Variants in ZNF74 observed in about 807,000 individuals in gnomAD.
ZNF74 encodes the protein zinc finger protein 74.
A neutral mutation model predicts 17.7 loss-of-function variants in ZNF74; 12 were observed. The ratio of observed to expected loss-of-function variants is 0.68; its 90% CI spans 0.43 to 1.10. The LOEUF (loss-of-function observed/expected upper bound fraction) is 1.10. Ranked by LOEUF, ZNF74 falls within the 50% of genes least tolerant of loss-of-function variation. The pLI, the probability that ZNF74 is intolerant of heterozygous loss-of-function variation, is 0.00. For missense variants in ZNF74, 811 were observed against 881.0 expected (o/e 0.92, Z 1.01); for synonymous variants, 358 against 362.1 (o/e 0.99, Z 0.13).
rs762957329 is a variant in ZNF74, at chr22:20,401,364, C to G, written c.335C>G (p.Pro112Arg). ...ATGCAGAGGGAAGTCCCCAGAGGGC[C>G]CTGTCCAGGTGAGCAGAGGCACAGG... ...WSMQREVPRG[P>R]CPEWELKAVP... is the part of the protein sequence containing the mutation. The change falls in exon 4 of 5, where the codon CCC (proline) becomes CGC (arginine). Residue 112 changes from proline (P) to arginine (R), a missense_variant. Physicochemically the swap from Pro to Arg is moderately radical, Grantham distance 103. Around this residue, in one of 3 missense-constraint regions of ZNF74, gnomAD observed 666 missense variants for 702.3 expected, o/e 0.95. Coordinates refer to ENST00000400451, the MANE Select transcript of ZNF74 (RefSeq NM_003426.4). The surrounding 1 kb of genome is among the most constrained non-coding windows in gnomAD (Gnocchi z 4.2). 20 of 1,604,194 alleles carry G rather than the reference C, an allele frequency of 1.2e-5. No homozygotes were observed. Among genetic ancestry groups the G allele is most frequent in the Non-Finnish European group, 1.4e-5 (17 of 1,174,886 alleles).
intron 4 of ZNF74, among the ~76,000 whole-genome samples, chr22:20,404,408 C>T (rs1201921945): frequency 2.0e-5 from 3 of 152,060 alleles, no homozygotes; most frequent in Non-Finnish European, 4.4e-5. Context: ...TAGCTCGAAG[C>T]CTCAACCTCC....
At chr22:20,396,949 C>G (rs930635518) in intron 2 of ZNF74, among the ~76,000 whole-genome samples, 1 of 152,166 alleles carries the variant, frequency 6.6e-6, no homozygotes, top group Admixed American at 6.5e-5. Flanking sequence ...AAGGCCTGTG[C>G]GGGCCTCAGA....
chr22:20,395,356 C>G lies in ZNF74; in HGVS notation c.58C>G (p.Leu20Val). The G allele has an allele frequency of 1.2e-6, 2 of 1,604,144 alleles. No homozygotes were observed. The highest frequency in any genetic ancestry group is 1.7e-6 in the Non-Finnish European group (2 of 1,172,234). ...AGCTCTTTCCTCTCAGGATCCTGCT[C>G]TTTCCCTGAAAGAGAATCTCGAGGA... is the stretch of plus-strand genomic sequence containing the variant. ...KTALSSQDPA[L>V]SLKENLEDIS... The change falls in exon 2 of 5, where the codon CTT becomes GTT. Residue 20 changes from leucine to valine, a missense_variant. By Grantham distance (32) the Leu-to-Val change is conservative (BLOSUM62 1). Around this residue, in one of 3 missense-constraint regions of ZNF74, gnomAD observed 666 missense variants for 702.3 expected, o/e 0.95. Transcript: ENST00000400451.
At position 20,406,140 on chromosome 22, in the gene ZNF74, C is replaced by CA; in HGVS notation, c.1109dup (p.Asn370LysfsTer38). 6.2e-7 allele frequency: 1 copy of CA among 1,613,796 alleles called. No homozygotes were observed. The highest frequency in any genetic ancestry group is 2.2e-5 in the East Asian group (1 of 44,872). ...GGTGCGGCGAGTGCGGCAAGGCCTT[C>CA]AACCAGCGTACACACCTCACACGCC... On this transcript the variant is annotated frameshift_variant, in exon 5 of 5. Transcript: ENST00000400451. LOFTEE classifies it low-confidence loss of function (END_TRUNC).
At position 20,406,368 on chromosome 22, in the gene ZNF74, G is replaced by C. The variant is rs2052427224; in HGVS notation, c.1335G>C (p.Lys445Asn). Reference sequence around the variant, plus strand: ...CGCACACGGGCGAGAAGCCCTTCAAGTGCGCCGACTGCGGGAAGGGCTTCA... The same window carrying C: ...CGCACACGGGCGAGAAGCCCTTCAACTGCGCCGACTGCGGGAAGGGCTTCA... ...QRTHTGEKPF[K>N]CADCGKGFSC... The change falls in exon 5 of 5, where the codon AAG becomes AAC. Residue 445 changes from lysine to asparagine, a missense_variant. Transcript: ENST00000400451. 1 of 1,612,934 alleles carries C rather than the reference G, an allele frequency of 6.2e-7. No homozygotes were observed. Among genetic ancestry groups the C allele is most frequent in the Non-Finnish European group, 8.5e-7 (1 of 1,179,722 alleles).
chr22:20,405,224 G>T (rs950344664), intron 4 of ZNF74, among the ~76,000 whole-genome samples, 153 bp from the exon 5 acceptor site: 3 of 152,150 alleles, frequency 2.0e-5, no homozygotes, highest in African/African-American at 4.8e-5. Context: ...CATCCTGGGC[G>T]CTCCCTTCTC....
chr22:20,404,139 C>A (rs2052387542), intron 4 of ZNF74, among the ~76,000 whole-genome samples: 1 of 152,168 alleles, frequency 6.6e-6, no homozygotes, highest in Non-Finnish European at 1.5e-5. Context: ...GAAATAAAAT[C>A]TCCTGCCAGC....
intron 2 of ZNF74, among the ~76,000 whole-genome samples, chr22:20,397,412 C>T (rs2052307414): frequency 6.6e-6 from 1 of 152,122 alleles, no homozygotes; most frequent in Admixed American, 6.6e-5. Context: ...ATATACAGCA[C>T]AGTTGTACAA....
In ZNF74 at chr22:20,405,402, TCAA is replaced by T; in HGVS notation, c.372_374del (p.Gln126del). 6.2e-7 allele frequency: 1 copy of T among 1,611,694 alleles called. No individual in the cohort carries two copies. The highest frequency in any genetic ancestry group is 1.1e-5 in the South Asian group (1 of 90,894). On this transcript the variant is annotated inframe_deletion, in exon 5 of 5. Coordinates refer to ENST00000400451, the MANE Select transcript of ZNF74 (RefSeq NM_003426.4). ...AATGGGAGCTGAAGGCGGTGCCCTC[TCAA>T]CAGCAGGGCATTTGCAAAGAAGAAC...
chr22:20,400,655 G>T lies in ZNF74; in HGVS notation c.144G>T (p.Val48=), dbSNP rs1569092804. The T allele has an allele frequency of 6.2e-7, 1 of 1,614,022 alleles. No homozygotes were observed. The highest frequency in any genetic ancestry group is 8.5e-7 in the Non-Finnish European group (1 of 1,180,022). Residue 48 remains valine, a synonymous_variant, in exon 3 of 5, where the codon GTG becomes GTT. Transcript: ENST00000400451. ...RSKESVSFKD[V]AVDFTQEEWG... ...AGGAATCGGTGAGTTTCAAGGATGT[G>T]GCTGTGGACTTCACCCAGGAGGAGT...
At chr22:20,403,389 C>T (rs765398386) in intron 4 of ZNF74, among the ~76,000 whole-genome samples, 2 of 151,550 alleles carry the variant, frequency 1.3e-5, no homozygotes, top group Non-Finnish European at 2.9e-5. Flanking sequence ...GAGGTCTCAT[C>T]CTCTCCCCCA....
intron 2 of ZNF74, among the ~76,000 whole-genome samples, chr22:20,396,921 C>T (rs1333630656): frequency 6.6e-6 from 1 of 152,136 alleles, no homozygotes; most frequent in African/African-American, 2.4e-5. Context: ...CTCCCAGTGG[C>T]CAGAAATACC....
rs765092470 is a variant in ZNF74 at position 20,405,475 on chromosome 22, G to T, written c.442G>T (p.Ala148Ser). The change falls in exon 5 of 5, where the codon GCG becomes TCG. Residue 148 changes from alanine to serine, a missense_variant. Coordinates refer to ENST00000400451, the MANE Select transcript of ZNF74 (RefSeq NM_003426.4). ...GGAGCGGCCCCTCGGCGGGGCGCAGGCGTGGGGGCGCCAGGCAGGTGCTCT... is the reference window on the plus strand; with the variant it reads ...GGAGCGGCCCCTCGGCGGGGCGCAGTCGTGGGGGCGCCAGGCAGGTGCTCT... ...IMERPLGGAQ[A>S]WGRQAGALQR... The T allele has an allele frequency of 1.2e-6, 2 of 1,609,194 alleles. No homozygotes were observed. Among genetic ancestry groups the T allele is most frequent in the South Asian group, 1.1e-5 (1 of 90,646 alleles).
Position 20,395,364 on chromosome 22 carries a change from G to A in ZNF74, c.66G>A (p.Leu22=), listed in dbSNP as rs1219238038. ...ALSSQDPALS[L]KENLEDISGW... ...CCTCTCAGGATCCTGCTCTTTCCCT[G>A]AAAGAGAATCTCGAGGATATATCGG... is the stretch of plus-strand genomic sequence containing the variant. Residue 22 remains leucine (L), a synonymous_variant, in exon 2 of 5, where the codon CTG becomes CTA. Transcript: ENST00000400451. 3 of 1,605,232 alleles carry A rather than the reference G, an allele frequency of 1.9e-6. No homozygotes were observed. The highest frequency in any genetic ancestry group is 8.5e-7 in the Non-Finnish European group (1 of 1,173,310).
At position 20,406,710 on chromosome 22, in the gene ZNF74, G is replaced by A. The variant is rs778720103; in HGVS notation, c.1677G>A (p.Glu559=). ...IHSGEKSFKC[E]KCGEMFNWSS... is the part of the protein sequence containing the mutation. ...CCGGGGAGAAGTCGTTTAAGTGTGA[G>A]AAATGTGGGGAGATGTTCAACTGGA... The change falls in exon 5 of 5, where the codon GAG becomes GAA. Residue 559 remains glutamate, a synonymous_variant. Transcript: ENST00000400451. 1 of 1,614,084 alleles carries A rather than the reference G, an allele frequency of 6.2e-7. No individual in the cohort carries two copies. Among genetic ancestry groups the A allele is most frequent in the African/African-American group, 1.3e-5 (1 of 74,936 alleles).
chr22:20,401,116 G>T lies in ZNF74; in HGVS notation c.248-161G>T. 1 of 609,878 alleles carries T rather than the reference G, an allele frequency of 1.6e-6. No homozygotes were observed. 37.8% of individuals were successfully genotyped at this position (609,878 alleles called of 1,614,324 possible). On this transcript the variant is annotated intron_variant, in intron 3 of 4. Transcript: ENST00000400451. This position sits in a 1 kb window ranked among gnomAD's most constrained non-coding sequence, Gnocchi z 4.2. Reference sequence around the variant, plus strand: ...TCTTCAGAGTATACACTGGGATTTGGGTTCCAGTCTGAGACCCTCACTGCT... The same window carrying T: ...TCTTCAGAGTATACACTGGGATTTGTGTTCCAGTCTGAGACCCTCACTGCT...
At chr22:20,405,205 T>C (rs1259141835) in intron 4 of ZNF74, among the ~76,000 whole-genome samples, 172 bp from the exon 5 acceptor site, 1 of 152,204 alleles carries the variant, frequency 6.6e-6, no homozygotes, top group African/African-American at 2.4e-5. Context: ...CGCTCTTGCT[T>C]GCCCATCTCA....
chr22:20,406,181 C>T lies in ZNF74; in HGVS notation c.1148C>T (p.Thr383Met), dbSNP rs754719051. 1.9e-6 allele frequency: 3 copies of T among 1,613,488 alleles called. No individual in the cohort carries two copies. In the South Asian group the frequency reaches 3.3e-5, roughly 18 times the overall value. ...THLTRHHRIH[T>M]GEKPYQCGSC... Reference sequence around the variant, plus strand: ...CTCACACGCCACCACCGCATCCACACGGGCGAGAAGCCCTACCAGTGCGGC... The same window carrying T: ...CTCACACGCCACCACCGCATCCACATGGGCGAGAAGCCCTACCAGTGCGGC... The change falls in exon 5 of 5, where the codon ACG becomes ATG. Residue 383 changes from threonine to methionine, a missense_variant. By Grantham distance (81) the Thr-to-Met change is moderately conservative. Transcript: ENST00000400451.
chr22:20,400,646 C>T lies in ZNF74; in HGVS notation c.135C>T (p.Phe45=). The change falls in exon 3 of 5, where the codon TTC becomes TTT. Residue 45 remains phenylalanine (F), a synonymous_variant. Coordinates refer to ENST00000400451, the MANE Select transcript of ZNF74 (RefSeq NM_003426.4). ...PEARSKESVS[F]KDVAVDFTQE... is the part of the protein sequence containing the mutation. ...TGTCATTTCAGGAATCGGTGAGTTT[C>T]AAGGATGTGGCTGTGGACTTCACCC... The T allele has an allele frequency of 6.2e-7, 1 of 1,614,120 alleles. No individual in the cohort carries two copies. Among genetic ancestry groups the T allele is most frequent in the Non-Finnish European group, 8.5e-7 (1 of 1,180,010 alleles).
Sources: gnomAD v4.1 joint callset for allele counts (sites outside exome capture counted in the v4.1 genomes callset) on GRCh38, gnomAD v4.1.1 for gene constraint, gnomAD v4.1.1 regional missense constraint, Gnocchi (gnomAD v3.1) non-coding constraint, MANE v1.5 for transcripts, NCBI Gene and HGNC (gene_info 2026-07-23, HGNC 2026-07-21) for gene names.